The following MFNG variants were observed in gnomAD, a reference collection of about 807,000 sequenced individuals.
The protein encoded by MFNG is beta-1,3-N-acetylglucosaminyltransferase manic fringe.
A neutral mutation model predicts 34.2 loss-of-function variants in MFNG; 24 were observed. That is an observed-to-expected ratio of 0.70 (90% CI 0.51 to 0.99). The LOEUF is 0.99. Ranked by LOEUF, MFNG falls within the 50% of genes least tolerant of loss-of-function variation. MFNG has a pLI of 0.00. For missense variants in MFNG, 383 were observed against 424.0 expected (o/e 0.90, Z 0.85); for synonymous variants, 158 against 179.2 (o/e 0.88, Z 0.94).
chr22:37,482,460 TACAC>T lies in MFNG; in HGVS notation c.256-1695_256-1692del, dbSNP rs142031748. 1.0e-4 allele frequency among the ~76,000 whole-genome samples: 15 copies of T among 148,604 alleles called. No homozygotes were observed. The highest frequency in any genetic ancestry group is 2.1e-4 in the South Asian group (1 of 4,722). On this transcript the variant is annotated intron_variant, in intron 1 of 7. Transcript: ENST00000356998. This position sits in a 1 kb window ranked among gnomAD's most constrained non-coding sequence, Gnocchi z 4.1. ...ACACACACGCACACACACGCACGCA[TACAC>T]ACACACACACACACACGCACGTGCG...
At chr22:37,476,567 A>G (rs1330691266) in intron 5 of MFNG, among the ~76,000 whole-genome samples, 1 of 152,098 alleles carries the variant, frequency 6.6e-6, no homozygotes, top group African/African-American at 2.4e-5. Context: ...AATAGCACCT[A>G]CCAGGGCCAG....
At chr22:37,476,474 G>A (rs1240358005) in intron 5 of MFNG, among the ~76,000 whole-genome samples, 1 of 151,946 alleles carries the variant, frequency 6.6e-6, no homozygotes, top group Non-Finnish European at 1.5e-5. Flanking sequence ...CCCTCACCCA[G>A]AAGGCCCTTC....
intron 2 of MFNG, 43 bp downstream of exon 2, chr22:37,480,678 A>T: frequency 6.3e-7 from 1 of 1,596,124 alleles, no homozygotes; most frequent in Non-Finnish European, 8.6e-7. Flanking sequence ...TTTCCCAGGC[A>T]ACAGCTAAAG....
In MFNG at chr22:37,483,437, T is replaced by C. The variant is rs764763961; in HGVS notation, c.255+2486A>G. Among the ~76,000 whole-genome samples, 38 of 151,392 alleles carry C rather than the reference T, an allele frequency of 2.5e-4. No individual in the cohort carries two copies. The highest frequency in any genetic ancestry group is 3.4e-4 in the Non-Finnish European group (23 of 67,944). ...CTTTTGCCACCAAACAGCCACCCGA[T>C]AGTGAAACACTCTCAAGCTTGGAGC... On this transcript the variant is annotated intron_variant, in intron 1 of 7. Transcript: ENST00000356998. This position sits in a 1 kb window ranked among gnomAD's most constrained non-coding sequence, Gnocchi z 4.5.
rs35852296 is a variant in MFNG, at chr22:37,469,522, C to T, written c.*441G>A. 3,011 of 311,768 alleles carry T rather than the reference C, an allele frequency of 9.7e-3. 27 individuals are homozygous for T. Among genetic ancestry groups the T allele is most frequent in the Non-Finnish European group, 0.014 (2,155 of 156,494 alleles). The allele number at this position is 311,768 out of a possible 1,614,324, so 19.3% of individuals were successfully genotyped here. A position where few individuals can be genotyped will look rare whatever the true frequency, so the allele number is the denominator to read the frequency against. ...TTCCACCCATGTCCCTTCAGGAACT[C>T]GGGACACAGATGAGGGAGGCAGGAG... On this transcript the variant is annotated 3_prime_UTR_variant, in exon 8 of 8. Transcript: ENST00000356998.
At chr22:37,471,593 G>A (rs1250842606) in intron 7 of MFNG, among the ~76,000 whole-genome samples, 1 of 152,128 alleles carries the variant, frequency 6.6e-6, no homozygotes, top group African/African-American at 2.4e-5. Context: ...CACTTTGGGA[G>A]GTCAAGGCAG....
intron 7 of MFNG, among the ~76,000 whole-genome samples, chr22:37,470,412 T>G (rs1034986304): frequency 6.6e-6 from 1 of 152,170 alleles, no homozygotes; most frequent in Non-Finnish European, 1.5e-5. Flanking sequence ...CACATGCATC[T>G]GAATCTCTAG....
Position 37,485,819 on chromosome 22 carries a change from G to T in MFNG, c.255+104C>A. On this transcript the variant is annotated intron_variant, in intron 1 of 7. Transcript: ENST00000356998. The surrounding 1 kb of genome is among the most constrained non-coding windows in gnomAD (Gnocchi z 5.3). ...TCCCTGATTAGGCAGGTATTGAGCA[G>T]CTTCTCCCATGAGGCAGTCAGGGAC... 1 of 1,364,600 alleles carries T rather than the reference G, an allele frequency of 7.3e-7. No homozygotes were observed. Among genetic ancestry groups the T allele is most frequent in the Non-Finnish European group, 9.9e-7 (1 of 1,009,406 alleles). The allele number at this position is 1,364,600 out of a possible 1,614,324, so 84.5% of individuals were successfully genotyped here.
chr22:37,475,212 A>ATTTGTTTGTTTG (rs535395395), intron 5 of MFNG, among the ~76,000 whole-genome samples: 1 of 151,836 alleles, frequency 6.6e-6, no homozygotes, highest in Non-Finnish European at 1.5e-5. Flanking sequence ...TTGTGTGTTC[A>ATTTGTTTGTTTG]TTTGTTTGTT....
At position 37,476,956 on chromosome 22, in the gene MFNG, G is replaced by A. The variant is rs1298626545; in HGVS notation, c.587C>T (p.Thr196Ile). 6 of 1,611,428 alleles carry A rather than the reference G, an allele frequency of 3.7e-6. No individual in the cohort carries two copies. The highest frequency in any genetic ancestry group is 5.1e-6 in the Non-Finnish European group (6 of 1,178,542). The change falls in exon 5 of 8, where the codon ACT becomes ATT. Residue 196 changes from threonine (T) to isoleucine (I), a missense_variant. Coordinates refer to ENST00000356998, the MANE Select transcript of MFNG (RefSeq NM_002405.4). ...ATTGATGCAGAAGCCAGCACCCCCA[G>A]TGGCAAACCAGAACTGTACCAGCCT... is the stretch of plus-strand genomic sequence containing the variant. ...RTRLVQFWFATGGAGFCINRK... is the reference protein window; with the variant it reads ...RTRLVQFWFAIGGAGFCINRK...
rs777187096 is a variant in MFNG at position 37,472,465 on chromosome 22, A to C, written c.877T>G (p.Ser293Ala). The change falls in exon 7 of 8, where the codon TCC (serine) becomes GCC (alanine). Residue 293 changes from serine to alanine, a missense_variant. Transcript: ENST00000356998. ...CACCTGGAGGGGTCCTCCTCCGGGG[A>C]GAAGGGGCCCTGTAGCTTAATGACG... is the stretch of plus-strand genomic sequence containing the variant. ...LNVIKLQGPFSPEEDPSRFRS... is the reference protein window; with the variant it reads ...LNVIKLQGPFAPEEDPSRFRS... 1 of 1,582,922 alleles carries C rather than the reference A, an allele frequency of 6.3e-7. No individual in the cohort carries two copies. The highest frequency in any genetic ancestry group is 8.6e-7 in the Non-Finnish European group (1 of 1,168,010).
intron 4 of MFNG, 86 bp from the exon 5 acceptor site, chr22:37,477,067 C>A (rs1033885239): frequency 1.8e-6 from 2 of 1,133,046 alleles, no homozygotes; most frequent in African/African-American, 1.5e-5. Flanking sequence ...TCACCCCCAA[C>A]CAGCATGGCT....
At position 37,483,255 on chromosome 22, in the gene MFNG, C is replaced by T. The variant is rs1005161612; in HGVS notation, c.256-2486G>A. Among the ~76,000 whole-genome samples the T allele has an allele frequency of 5.3e-5, 8 of 152,190 alleles. No individual in the cohort carries two copies. Among genetic ancestry groups the T allele is most frequent in the African/African-American group, 1.9e-4 (8 of 41,446 alleles). On this transcript the variant is annotated intron_variant, in intron 1 of 7. Transcript: ENST00000356998. The surrounding 1 kb of genome is among the most constrained non-coding windows in gnomAD (Gnocchi z 4.5). ...CTCTTCCCTCCGGCCCACCCGGCCACCTAGTCCCCGCCACTGTCGTCACCT... is the reference window on the plus strand; with the variant it reads ...CTCTTCCCTCCGGCCCACCCGGCCATCTAGTCCCCGCCACTGTCGTCACCT...
intron 5 of MFNG, among the ~76,000 whole-genome samples, chr22:37,476,658 G>A (rs184091467): frequency 4.6e-5 from 7 of 152,206 alleles, no homozygotes; most frequent in Non-Finnish European, 8.8e-5. Flanking sequence ...GGGGACTGGG[G>A]CTCTTGGAGA....
Position 37,485,038 on chromosome 22 carries a change from G to A in MFNG, c.255+885C>T, listed in dbSNP as rs981584655. On this transcript the variant is annotated intron_variant, in intron 1 of 7. Coordinates refer to ENST00000356998, the MANE Select transcript of MFNG (RefSeq NM_002405.4). This position sits in a 1 kb window ranked among gnomAD's most constrained non-coding sequence, Gnocchi z 5.3. ...TCCCCCATCAACGGTCCCTAACACC[G>A]ACATCACTAACTTTGCTTAAGGAAG... Among the ~76,000 whole-genome samples the A allele has an allele frequency of 2.6e-5, 4 of 151,826 alleles. No individual in the cohort carries two copies. Among genetic ancestry groups the A allele is most frequent in the South Asian group, 2.1e-4 (1 of 4,798 alleles).
At chr22:37,481,486 G>A (rs1270013993) in intron 1 of MFNG, 1 of 152,386 alleles carries the variant, frequency 6.6e-6, no homozygotes, top group East Asian at 1.9e-4. Context: ...GGCAGCTAAA[G>A]CTGCTCAGCC....
At chr22:37,481,551 C>T (rs758852117) in intron 1 of MFNG, among the ~76,000 whole-genome samples, 2 of 152,322 alleles carry the variant, frequency 1.3e-5, no homozygotes, top group African/African-American at 2.4e-5. Context: ...TACATGGATG[C>T]GACAAAGACA....
intron 1 of MFNG, chr22:37,484,671 C>G (rs774036222): frequency 6.6e-6 from 1 of 152,318 alleles, no homozygotes; most frequent in Non-Finnish European, 1.5e-5. Context: ...GGTACACAGA[C>G]GCATAAACAG....
At chr22:37,477,991 GCAGTTCTC>G (rs1339538552) in intron 4 of MFNG, among the ~76,000 whole-genome samples, 4 of 152,198 alleles carry the variant, frequency 2.6e-5, no homozygotes, top group Middle Eastern at 3.2e-3. Flanking sequence ...GCTCCAGCGT[GCAGTTCTC>G]CACCCCAGAG....
Sources: allele counts gnomAD v4.1 joint callset (sites outside exome capture counted in the v4.1 genomes callset), GRCh38; gene constraint gnomAD v4.1.1; non-coding constraint Gnocchi (gnomAD v3.1); transcripts MANE v1.5; gene names NCBI Gene and HGNC (gene_info 2026-07-23, HGNC 2026-07-21).